The following NR4A3 variants were observed in gnomAD, a reference collection of about 807,000 sequenced individuals.
The protein encoded by NR4A3 is chondrosarcoma, extraskeletal myxoid, fused to EWS.
NR4A3 carries 13 observed loss-of-function variants against 55.6 expected under a neutral mutation model. That is an observed-to-expected ratio of 0.23 (90% confidence interval 0.15 to 0.37). The LOEUF (loss-of-function observed/expected upper bound fraction) is 0.37. Among genes scored for constraint, NR4A3 ranks in the 10% least tolerant of loss-of-function variants. The pLI is 1.00. For synonymous variants in NR4A3, 342 were observed against 357.9 expected (o/e 0.96, Z 0.50); for missense variants, 646 against 822.8 (o/e 0.79, Z 2.63).
chr9:99,835,769 C>T (rs934522645), intron 5 of NR4A3, among the ~76,000 whole-genome samples: 1 of 152,210 alleles, frequency 6.6e-6, no homozygotes, highest in Non-Finnish European at 1.5e-5. Context: ...AAAAATCAAT[C>T]TAGTGTGTTT....
In NR4A3 at chr9:99,828,840, C is replaced by G. The variant is rs1481094538; in HGVS notation, c.798C>G (p.Thr266=). The G allele has an allele frequency of 6.7e-7, 1 of 1,493,090 alleles. No individual in the cohort carries two copies. The highest frequency in any genetic ancestry group is 1.2e-5 in the South Asian group (1 of 80,640). 92.5% of individuals were successfully genotyped at this position (1,493,090 alleles called of 1,614,324 possible). The part of the protein sequence containing the change: ...FPPLGLTPSP[T]ASSLLGESPS... ...CTCTCGGCCTCACGCCCTCCCCTAC[C>G]GCGTCCAGCCTGCTGGGCGAGAGTC... The change falls in exon 3 of 8, where the codon ACC becomes ACG. Residue 266 remains threonine (T), a synonymous_variant. Transcript: ENST00000395097. This position sits in a 1 kb window ranked among gnomAD's most constrained non-coding sequence, Gnocchi z 7.7.
intron 3 of NR4A3, among the ~76,000 whole-genome samples, chr9:99,830,811 A>G (rs1021590631): frequency 3.9e-5 from 6 of 152,252 alleles, no homozygotes; most frequent in African/African-American, 1.2e-4. Context: ...AACAAGAATT[A>G]TGAATAATCT....
At position 99,828,559 on chromosome 9, in the gene NR4A3, C is replaced by T; in HGVS notation, c.517C>T (p.Leu173=). Residue 173 remains leucine, a synonymous_variant, in exon 3 of 8, where the codon CTG becomes TTG. Transcript: ENST00000395097. The surrounding 1 kb of genome is among the most constrained non-coding windows in gnomAD (Gnocchi z 7.7). ...APGCIAPGPL[L]DPPMKAVPTV... is the part of the protein sequence containing the mutation. ...CGGCTGCATCGCACCCGGCCCGCTG[C>T]TGGACCCGCCGATGAAGGCGGTCCC... 2.7e-6 allele frequency: 4 copies of T among 1,500,760 alleles called. No individual in the cohort carries two copies. The highest frequency in any genetic ancestry group is 1.4e-5 in the African/African-American group (1 of 71,820). 93.0% of individuals were successfully genotyped at this position (1,500,760 alleles called of 1,614,324 possible).
chr9:99,828,765 C>A lies in NR4A3; in HGVS notation c.723C>A (p.His241Gln). The change falls in exon 3 of 8, where the codon CAC becomes CAA. Residue 241 changes from histidine to glutamine, a missense_variant. Physicochemically the swap from His to Gln is conservative, Grantham distance 24. Around this residue, in one of 5 missense-constraint regions of NR4A3, gnomAD observed 426 missense variants for 429.4 expected, o/e 0.99. Coordinates refer to ENST00000395097, the MANE Select transcript of NR4A3 (RefSeq NM_006981.4). This position sits in a 1 kb window ranked among gnomAD's most constrained non-coding sequence, Gnocchi z 7.7. Reference protein sequence around the residue: ...AGSQAAALESHPYGLPLAKRA... With the variant: ...AGSQAAALESQPYGLPLAKRA... ...GCCAGGCCGCCGCGCTTGAGAGCCA[C>A]CCGTACGGGCTGCCGCTGGCCAAGA... 1 of 1,421,608 alleles carries A rather than the reference C, an allele frequency of 7.0e-7. No individual in the cohort carries two copies. Among genetic ancestry groups the A allele is most frequent in the African/African-American group, 1.5e-5 (1 of 67,424 alleles). The allele number at this position is 1,421,608 out of a possible 1,614,324, so 88.1% of individuals were successfully genotyped here.
intron 7 of NR4A3, among the ~76,000 whole-genome samples, chr9:99,855,917 A>T (rs1277576107): frequency 6.6e-6 from 1 of 152,000 alleles, no homozygotes; most frequent in African/African-American, 2.4e-5. Flanking sequence ...GGGGCTCCTG[A>T]TGGTTACTAT....
At chr9:99,840,294 G>C (rs1420183175) in intron 5 of NR4A3, among the ~76,000 whole-genome samples, 3 of 152,202 alleles carry the variant, frequency 2.0e-5, no homozygotes, top group Non-Finnish European at 2.9e-5. Context: ...TGTGCAGAAG[G>C]CATGAAATGT....
At position 99,863,868 on chromosome 9, in the gene NR4A3, T is replaced by G; in HGVS notation, c.*1T>G. Reference sequence around the variant, plus strand: ...CTTCCTGGACACCCTACCTTTCTAATCAGGAGCAGTGGAGCAGTGAGCTGC... The same window carrying G: ...CTTCCTGGACACCCTACCTTTCTAAGCAGGAGCAGTGGAGCAGTGAGCTGC... On this transcript the variant is annotated 3_prime_UTR_variant, in exon 8 of 8. Transcript: ENST00000395097. 6.2e-7 allele frequency: 1 copy of G among 1,611,426 alleles called. No individual in the cohort carries two copies. The highest frequency in any genetic ancestry group is 8.5e-7 in the Non-Finnish European group (1 of 1,178,392).
Position 99,833,270 on chromosome 9 carries a change from T to A in NR4A3, c.1082-12T>A. 1 of 1,569,352 alleles carries A rather than the reference T, an allele frequency of 6.4e-7. No individual in the cohort carries two copies. Among genetic ancestry groups the A allele is most frequent in the Non-Finnish European group, 8.6e-7 (1 of 1,159,932 alleles). ...CTTTGAAGATTGTTTTCTTTGTCTC[T>A]TTTGGCATCAGTTGTCCGTACAGAT... On this transcript the variant is annotated splice_polypyrimidine_tract_variant and intron_variant, in intron 4 of 7. Coordinates refer to ENST00000395097, the MANE Select transcript of NR4A3 (RefSeq NM_006981.4).
At chr9:99,833,820 C>G in intron 5 of NR4A3, 3 of 1,293,594 alleles carry the variant, frequency 2.3e-6, no homozygotes, top group Non-Finnish European at 3.0e-6. Flanking sequence ...TTCAAACCAT[C>G]TGGGTGAGCC....
Position 99,822,656 on chromosome 9 carries a change from A to G in NR4A3, c.-177+249A>G, listed in dbSNP as rs1821599345. ...CACTCGAAGAGGCGAAAAGCCTCTA[A>G]CAAAGAGGAGGACCGGGATTTGTGC... On this transcript the variant is annotated intron_variant, in intron 1 of 7. Coordinates refer to ENST00000395097, the MANE Select transcript of NR4A3 (RefSeq NM_006981.4). The surrounding 1 kb of genome is among the most constrained non-coding windows in gnomAD (Gnocchi z 4.9). Among the ~76,000 whole-genome samples the G allele has an allele frequency of 6.6e-6, 1 of 152,206 alleles. No individual in the cohort carries two copies. The highest frequency in any genetic ancestry group is 2.4e-5 in the African/African-American group (1 of 41,452).
At chr9:99,863,584 C>T (rs749472712) in intron 7 of NR4A3, 36 bp from the exon 8 acceptor site, 5 of 1,594,734 alleles carry the variant, frequency 3.1e-6, no homozygotes, top group Non-Finnish European at 4.3e-6. Flanking sequence ...ATGTATTTGC[C>T]TCCTAAACTT....
intron 3 of NR4A3, 100 bp downstream of exon 3, chr9:99,829,093 C>A: frequency 8.3e-7 from 1 of 1,207,078 alleles, no homozygotes; most frequent in Non-Finnish European, 1.0e-6. Context: ...GGTTTGAGAG[C>A]TGTAATCGGC....
At chr9:99,843,250 G>A (rs1290416545) in intron 5 of NR4A3, among the ~76,000 whole-genome samples, 1 of 152,134 alleles carries the variant, frequency 6.6e-6, no homozygotes, top group Non-Finnish European at 1.5e-5. Flanking sequence ...TCCCACATTT[G>A]GCCATTGAAC....
At chr9:99,823,382 A>G (rs914643624) in intron 1 of NR4A3, among the ~76,000 whole-genome samples, 1 of 152,126 alleles carries the variant, frequency 6.6e-6, no homozygotes, top group Non-Finnish European at 1.5e-5. Context: ...CTTGATTTCC[A>G]AAAACGTTCT....
At chr9:99,841,829 G>C (rs1042767169) in intron 5 of NR4A3, among the ~76,000 whole-genome samples, 1 of 152,126 alleles carries the variant, frequency 6.6e-6, no homozygotes, top group Non-Finnish European at 1.5e-5. Flanking sequence ...AATTAGATGG[G>C]CGTGGTGGTT....
chr9:99,824,305 C>T (rs1339299048), intron 1 of NR4A3, among the ~76,000 whole-genome samples: 1 of 152,194 alleles, frequency 6.6e-6, no homozygotes, highest in African/African-American at 2.4e-5. Flanking sequence ...CTGAGGCCTC[C>T]TCTCAGAGAA....
chr9:99,829,734 C>CT (rs1827402783), intron 3 of NR4A3, among the ~76,000 whole-genome samples: 1 of 152,180 alleles, frequency 6.6e-6, no homozygotes, highest in African/African-American at 2.4e-5. Flanking sequence ...CTCTAGGAAC[C>CT]TTTCCCTACC....
chr9:99,866,519 A>C lies in NR4A3; in HGVS notation c.*2652A>C, dbSNP rs1828100430. On this transcript the variant is annotated 3_prime_UTR_variant, in exon 8 of 8. Transcript: ENST00000395097. Reference sequence around the variant, plus strand: ...TTCTTCTGTCTTCCATAGTTATTACAACTATGAGAGCCTCCCAAGTCATCT... The same window carrying C: ...TTCTTCTGTCTTCCATAGTTATTACCACTATGAGAGCCTCCCAAGTCATCT... 4.4e-6 allele frequency: 1 copy of C among 228,960 alleles called. No homozygotes were observed. The highest frequency in any genetic ancestry group is 2.2e-5 in the African/African-American group (1 of 45,108). 14.2% of individuals were successfully genotyped at this position (228,960 alleles called of 1,614,324 possible).
intron 7 of NR4A3, 55 bp from the exon 8 acceptor site, chr9:99,863,565 T>C: frequency 6.4e-7 from 1 of 1,554,880 alleles, no homozygotes; most frequent in Non-Finnish European, 8.7e-7. Flanking sequence ...GGATTCAAAG[T>C]GTCTTAAGAT....
Sources: gnomAD v4.1 joint callset for allele counts (sites outside exome capture counted in the v4.1 genomes callset) on GRCh38, gnomAD v4.1.1 for gene constraint, gnomAD v4.1.1 regional missense constraint, Gnocchi (gnomAD v3.1) non-coding constraint, MANE v1.5 for transcripts, NCBI Gene and HGNC (gene_info 2026-07-23, HGNC 2026-07-21) for gene names.